Variants in PPP2R2C observed in about 807,000 individuals in gnomAD.
PPP2R2C encodes the protein protein phosphatase 2 regulatory subunit Bgamma.
In PPP2R2C, 10 loss-of-function variants were observed where a neutral mutation model predicts 45.3. The observed-to-expected ratio is 0.22, with a 90% CI of 0.14 to 0.37. The LOEUF is 0.37. Among genes scored for constraint, PPP2R2C ranks in the 10% least tolerant of loss-of-function variants. The pLI, the probability that PPP2R2C is intolerant of heterozygous loss-of-function variation, is 1.00. For synonymous variants in PPP2R2C, 257 were observed against 245.4 expected (o/e 1.05, Z -0.44); for missense variants, 308 against 619.7 (o/e 0.50, Z 5.34).
chr4:6,442,415 G>A (rs1414944008), intron 1 of PPP2R2C, among the ~76,000 whole-genome samples: 1 of 152,246 alleles, frequency 6.6e-6, no homozygotes, highest in East Asian at 1.9e-4. Flanking sequence ...AGGGAAAACT[G>A]CCCTTGGCCA....
intron 5 of PPP2R2C, chr4:6,351,416 C>T: frequency 1.0e-6 from 1 of 977,406 alleles, no homozygotes; most frequent in Non-Finnish European, 1.2e-6. Context: ...CAACCCAGGG[C>T]CGGCTGAGGG....
At chr4:6,348,174 C>A (rs1712182350) in intron 5 of PPP2R2C, among the ~76,000 whole-genome samples, 164 bp from the exon 6 acceptor site, 1 of 151,954 alleles carries the variant, frequency 6.6e-6, no homozygotes, top group Admixed American at 6.5e-5. Flanking sequence ...AGCTGCAGAC[C>A]TGCATGGTGA....
At chr4:6,372,789 G>C in intron 4 of PPP2R2C, 89 bp from the exon 5 acceptor site, 2 of 1,373,618 alleles carry the variant, frequency 1.5e-6, no homozygotes, top group East Asian at 2.3e-5. Flanking sequence ...CCCAACCGGA[G>C]GCTGGAACAC....
intron 1 of PPP2R2C, among the ~76,000 whole-genome samples, chr4:6,549,507 T>A (rs555694449): frequency 6.6e-6 from 1 of 151,834 alleles, no homozygotes; most frequent in South Asian, 2.1e-4. Context: ...CCCTCAGGAG[T>A]GAAATGCCCC....
chr4:6,526,796 T>C (rs756639814), intron 2 of PPP2R2C, among the ~76,000 whole-genome samples: 2 of 152,138 alleles, frequency 1.3e-5, no homozygotes, highest in Non-Finnish European at 2.9e-5. Context: ...TGAATATGCA[T>C]CATGGCCACC....
At chr4:6,465,139 A>T (rs2108762447) in intron 1 of PPP2R2C, among the ~76,000 whole-genome samples, 1 of 152,166 alleles carries the variant, frequency 6.6e-6, no homozygotes, top group South Asian at 2.1e-4. Flanking sequence ...TGGCCGCAAG[A>T]CAGGAATAAA....
intron 6 of PPP2R2C, among the ~76,000 whole-genome samples, chr4:6,344,324 G>A (rs1282402487): frequency 1.3e-5 from 2 of 152,234 alleles, no homozygotes; most frequent in Non-Finnish European, 1.5e-5. Flanking sequence ...TTCTCGCACT[G>A]TTGAGTTCAT....
intron 2 of PPP2R2C, among the ~76,000 whole-genome samples, chr4:6,498,886 T>C (rs1722958393): frequency 6.6e-6 from 1 of 152,120 alleles, no homozygotes; most frequent in Non-Finnish European, 1.5e-5. Flanking sequence ...CTCTGATCTT[T>C]TTGGTGACAG....
At position 6,459,238 on chromosome 4, in the gene PPP2R2C, G is replaced by A. The variant is rs79243452; in HGVS notation, c.70+12922C>T. On this transcript the variant is annotated intron_variant, in intron 1 of 8. Coordinates refer to ENST00000382599, the MANE Select transcript of PPP2R2C (RefSeq NM_020416.4). ...CTCACTCACCTGCTGGCAAGGTGGT[G>A]CTGGATATTAGGCAGGCAGCTCAAC... 7.4e-3 allele frequency among the ~76,000 whole-genome samples: 1,130 copies of A among 152,278 alleles called. 9 individuals carry two copies. Among genetic ancestry groups the A allele is most frequent in the African/African-American group, 0.026 (1,086 of 41,564 alleles).
chr4:6,413,855 C>A lies in PPP2R2C; in HGVS notation c.71-32761G>T, dbSNP rs779579012. The A allele has an allele frequency of 3.9e-6, 6 of 1,535,596 alleles. No individual in the cohort carries two copies. The South Asian group carries it at 7.1e-5, about 18-fold the overall frequency. ...TCCCACTCAGGGCTGGCCAGCTCCA[C>A]GATGGGGACCCTCCCAACTCTCATG... On this transcript the variant is annotated intron_variant, in intron 1 of 8. Transcript: ENST00000382599.
intron 2 of PPP2R2C, among the ~76,000 whole-genome samples, chr4:6,493,716 G>A (rs924399973): frequency 4.6e-5 from 7 of 152,032 alleles, no homozygotes; most frequent in African/African-American, 1.7e-4. Flanking sequence ...GACACGGAGG[G>A]GTGGACCTGG....
intron 5 of PPP2R2C, among the ~76,000 whole-genome samples, chr4:6,367,129 T>C (rs1288819365): frequency 6.6e-6 from 1 of 152,004 alleles, no homozygotes; most frequent in Non-Finnish European, 1.5e-5. Context: ...AGAGCCTCAG[T>C]ATCACCAGGC....
intron 1 of PPP2R2C, among the ~76,000 whole-genome samples, chr4:6,388,144 C>A (rs901872885): frequency 1.3e-5 from 2 of 152,222 alleles, no homozygotes; most frequent in South Asian, 2.1e-4. Context: ...CCTTCCCCCC[C>A]TGAGGTGCCT....
At chr4:6,528,789 A>G (rs1724298673) in intron 2 of PPP2R2C, among the ~76,000 whole-genome samples, 1 of 152,094 alleles carries the variant, frequency 6.6e-6, no homozygotes, top group Non-Finnish European at 1.5e-5. Context: ...TCCTGGCTCA[A>G]AAGCTCCCCT....
At chr4:6,388,144 C>G (rs901872885) in intron 1 of PPP2R2C, among the ~76,000 whole-genome samples, 4 of 152,340 alleles carry the variant, frequency 2.6e-5, no homozygotes, top group African/African-American at 7.2e-5. Context: ...CCTTCCCCCC[C>G]TGAGGTGCCT....
intron 2 of PPP2R2C, among the ~76,000 whole-genome samples, chr4:6,506,098 A>G (rs953022789): frequency 2.2e-4 from 33 of 152,208 alleles, no homozygotes; most frequent in African/African-American, 8.0e-4. Context: ...ACACCACATG[A>G]TCCTACTCAC....
At chr4:6,344,890 A>G (rs1346606777) in intron 6 of PPP2R2C, among the ~76,000 whole-genome samples, 1 of 152,210 alleles carries the variant, frequency 6.6e-6, no homozygotes, top group East Asian at 1.9e-4. Context: ...ATCACTGTCG[A>G]CATCATTTTC....
At chr4:6,544,355 T>G (rs73209734) in intron 1 of PPP2R2C, among the ~76,000 whole-genome samples, 26,854 of 152,134 alleles carry the variant, frequency 0.18, 2,571 homozygotes, top group Non-Finnish European at 0.23. Context: ...ATTATTTTTA[T>G]TTTTAGAGAC....
At chr4:6,390,869 AC>A (rs1428863597) in intron 1 of PPP2R2C, among the ~76,000 whole-genome samples, 3 of 151,478 alleles carry the variant, frequency 2.0e-5, no homozygotes, top group East Asian at 3.9e-4. Flanking sequence ...TCGCTGAAGA[AC>A]CCCCACATTT....
Sources: allele counts gnomAD v4.1 joint callset (sites outside exome capture counted in the v4.1 genomes callset), GRCh38; gene constraint gnomAD v4.1.1; transcripts MANE v1.5; gene names NCBI Gene and HGNC (gene_info 2026-07-23, HGNC 2026-07-21).